The following MUC17 variants were observed in gnomAD, a reference collection of about 807,000 sequenced individuals.
MUC17 encodes mucin-17.
In MUC17, 190 loss-of-function variants were observed where a neutral mutation model predicts 170.3. The observed-to-expected ratio is 1.12, with a 90% CI of 0.99 to 1.26. The LOEUF (loss-of-function observed/expected upper bound fraction) is 1.26. Ranked by LOEUF, MUC17 falls within the 50% of genes most tolerant of loss-of-function variation. The probability of loss-of-function intolerance (pLI) is 0.00; values close to 1 mark genes in which losing one functional copy is unlikely to be tolerated. For missense variants in MUC17, 6,415 were observed against 5,530.0 expected (o/e 1.16, Z -5.08); for synonymous variants, 2,325 against 2,002.5 (o/e 1.16, Z -4.30).
chr7:101,039,821 C>G lies in MUC17; in HGVS notation c.8405C>G (p.Thr2802Ser). The G allele has an allele frequency of 1.3e-6, 2 of 1,590,734 alleles. No homozygotes were observed. Among genetic ancestry groups the G allele is most frequent in the South Asian group, 2.2e-5 (2 of 90,064 alleles). ...ACTGCTGAAGTTACCAGCATGCCAA[C>G]CTCAACTCCTAGTGAAACAAGTACT... is the stretch of plus-strand genomic sequence containing the variant. ...PTTAEVTSMP[T>S]STPSETSTPL... The change falls in exon 3 of 13, where the codon ACC becomes AGC. Residue 2802 changes from threonine to serine, a missense_variant. Thr to Ser is a moderately conservative substitution (Grantham distance 58). Coordinates refer to ENST00000306151, the MANE Select transcript of MUC17 (RefSeq NM_001040105.2).
chr7:101,033,815 C>T lies in MUC17; in HGVS notation c.2399C>T (p.Thr800Ile), dbSNP rs1171517014. ...TTEGTSMPIS[T>I]PSEGSPLLTS... ...GAAGGTACCAGCATGCCAATCTCAA[C>T]TCCTAGTGAAGGAAGTCCTTTATTA... The change falls in exon 3 of 13, where the codon ACT (threonine) becomes ATT (isoleucine). Residue 800 changes from threonine (T) to isoleucine (I), a missense_variant. Coordinates refer to ENST00000306151, the MANE Select transcript of MUC17 (RefSeq NM_001040105.2). The T allele has an allele frequency of 1.9e-6, 3 of 1,614,002 alleles. No individual in the cohort carries two copies. Among genetic ancestry groups the T allele is most frequent in the Non-Finnish European group, 2.5e-6 (3 of 1,179,978 alleles).
At position 101,039,701 on chromosome 7, in the gene MUC17, C is replaced by T. The variant is rs1199459513; in HGVS notation, c.8285C>T (p.Pro2762Leu). The change falls in exon 3 of 13, where the codon CCA becomes CTA. Residue 2762 changes from proline to leucine, a missense_variant. Transcript: ENST00000306151. ...ACAAGTATACTTGTCAGCACCCTGC[C>T]AGTGGCCAGTTCTGAGGCTAGCACC... ...PLTSILVSTL[P>L]VASSEASTVS... 1.2e-6 allele frequency: 2 copies of T among 1,612,758 alleles called. No individual in the cohort carries two copies. Among genetic ancestry groups the T allele is most frequent in the Non-Finnish European group, 1.7e-6 (2 of 1,179,520 alleles).
chr7:101,027,709 T>C (rs572169772), intron 1 of MUC17, among the ~76,000 whole-genome samples: 5 of 152,296 alleles, frequency 3.3e-5, no homozygotes, highest in African/African-American at 1.2e-4. Context: ...TCCTTGCCTT[T>C]AGGGACTCCT....
At position 101,037,665 on chromosome 7, in the gene MUC17, A is replaced by G. The variant is rs750062091; in HGVS notation, c.6249A>G (p.Ser2083=). The G allele has an allele frequency of 1.2e-6, 2 of 1,613,232 alleles. No individual in the cohort carries two copies. Among genetic ancestry groups the G allele is most frequent in the Admixed American group, 1.7e-5 (1 of 59,920 alleles). ...TGACCAATTCTACTGAAGCCAGTTC[A>G]TCTGCAACCGCTGAAGGTAGCAGCA... ...TQVTNSTEAS[S]SATAEGSSMT... is the part of the protein sequence containing the mutation. The change falls in exon 3 of 13, where the codon TCA becomes TCG. Residue 2083 remains serine (S), a synonymous_variant. Transcript: ENST00000306151.
intron 3 of MUC17, among the ~76,000 whole-genome samples, chr7:101,046,619 A>G (rs547728050): frequency 6.6e-6 from 1 of 152,160 alleles, no homozygotes; most frequent in Admixed American, 6.5e-5. Context: ...CTACAGAAAA[A>G]TTTTAAAAAT....
At position 101,039,903 on chromosome 7, in the gene MUC17, C is replaced by T. The variant is rs772953017; in HGVS notation, c.8487C>T (p.Thr2829=). Residue 2829 remains threonine, a synonymous_variant, in exon 3 of 13, where the codon ACC becomes ACT. Transcript: ENST00000306151. ...HTPVASSEAG[T]LSTTPVDTST... ...CAGTGGCCAGTTCTGAGGCTGGCAC[C>T]CTTTCAACAACTCCTGTTGACACCA... 12 of 1,612,980 alleles carry T rather than the reference C, an allele frequency of 7.4e-6. No homozygotes were observed. The highest frequency in any genetic ancestry group is 9.3e-6 in the Non-Finnish European group (11 of 1,179,494).
rs200390036 is a variant in MUC17, at chr7:101,042,615, A to T, written c.11199A>T (p.Ser3733=). Residue 3733 remains serine, a synonymous_variant, in exon 3 of 13, where the codon TCA becomes TCT. Coordinates refer to ENST00000306151, the MANE Select transcript of MUC17 (RefSeq NM_001040105.2). ...TGACCACTTCTACTGAAGCCATTTC[A>T]TCTTCTGCAACTCTTGACAGCACCA... is the stretch of plus-strand genomic sequence containing the variant. The part of the protein sequence containing the change: ...TPVTTSTEAI[S]SSATLDSTTM... 1.3e-5 allele frequency: 21 copies of T among 1,613,992 alleles called. No individual in the cohort carries two copies. Among genetic ancestry groups the T allele is most frequent in the Non-Finnish European group, 1.7e-6 (2 of 1,180,038 alleles).
chr7:101,053,589 AG>A (rs1488165739), intron 11 of MUC17, 153 bp downstream of exon 11: 2 of 572,276 alleles, frequency 3.5e-6, no homozygotes, highest in Non-Finnish European at 6.2e-6. Context: ...GCAACAACAC[AG>A]CAAAACTCTA....
At chr7:101,020,741 C>A (rs1271910698) in intron 1 of MUC17, among the ~76,000 whole-genome samples, 1 of 152,156 alleles carries the variant, frequency 6.6e-6, no homozygotes, top group Non-Finnish European at 1.5e-5. Context: ...TGCCATGAAC[C>A]AGCTGTGCAC....
At chr7:101,023,338 C>T (rs1794127506) in intron 1 of MUC17, among the ~76,000 whole-genome samples, 1 of 152,126 alleles carries the variant, frequency 6.6e-6, no homozygotes, top group Admixed American at 6.6e-5. Context: ...GGAGACCCTG[C>T]CGGGGTGGGG....
Position 101,035,102 on chromosome 7 carries a change from C to G in MUC17, c.3686C>G (p.Thr1229Arg), listed in dbSNP as rs771303338. Residue 1229 changes from threonine (T) to arginine (R), a missense_variant, in exon 3 of 13, where the codon ACG becomes AGG. Coordinates refer to ENST00000306151, the MANE Select transcript of MUC17 (RefSeq NM_001040105.2). ...TTAACAAGTATGCCTGTCAGACACACGCCAGTGGCCAGTTCTGAGGCTAGC... is the reference window on the plus strand; with the variant it reads ...TTAACAAGTATGCCTGTCAGACACAGGCCAGTGGCCAGTTCTGAGGCTAGC... ...TPLTSMPVRH[T>R]PVASSEASTL... 1.2e-6 allele frequency: 2 copies of G among 1,611,870 alleles called. No homozygotes were observed. Among genetic ancestry groups the G allele is most frequent in the Admixed American group, 1.7e-5 (1 of 59,816 alleles).
In MUC17 at chr7:101,056,281, C is replaced by T. The variant is rs1795041479; in HGVS notation, c.13440+11C>T. The T allele has an allele frequency of 6.2e-7, 1 of 1,613,460 alleles. No individual in the cohort carries two copies. The highest frequency in any genetic ancestry group is 8.5e-7 in the Non-Finnish European group (1 of 1,179,652). On this transcript the variant is annotated intron_variant, in intron 12 of 12. Transcript: ENST00000306151. ...GACCCTGAAACAAAGGTAAGAAGGGCCTGGATGGGATGCTGGCCTCCCCCA... is the reference window on the plus strand; with the variant it reads ...GACCCTGAAACAAAGGTAAGAAGGGTCTGGATGGGATGCTGGCCTCCCCCA...
chr7:101,033,372 T>A lies in MUC17; in HGVS notation c.1956T>A (p.Thr652=). The A allele has an allele frequency of 6.2e-7, 1 of 1,613,758 alleles. No homozygotes were observed. The highest frequency in any genetic ancestry group is 1.1e-5 in the South Asian group (1 of 91,038). The stretch of plus-strand genomic sequence containing the variant: ...CTGAGGCTAGCACCCTTTCAACAAC[T>A]CCTGTTGACTCCAACACTCCTGTGA... ...ASSEASTLST[T]PVDSNTPVTT... Residue 652 remains threonine (T), a synonymous_variant, in exon 3 of 13, where the codon ACT becomes ACA. Transcript: ENST00000306151.
intron 11 of MUC17, among the ~76,000 whole-genome samples, chr7:101,054,057 CAAAAAAAAAAAAAAAAAAA>C (rs58623975): frequency 3.5e-4 from 14 of 40,382 alleles, no homozygotes; most frequent in African/African-American, 6.0e-4. Context: ...AAGACCCTGT[CAAAAAAAAAAAAAAAAAAA>C]AAAAAAAAAA....
At chr7:101,025,503 AAAT>A (rs1186656639) in intron 1 of MUC17, among the ~76,000 whole-genome samples, 2 of 152,036 alleles carry the variant, frequency 1.3e-5, no homozygotes, top group African/African-American at 4.8e-5. Flanking sequence ...TCTCTACAAA[AAAT>A]ATAGGCCAAG....
rs777936596 is a variant in MUC17 at position 101,034,310 on chromosome 7, C to T, written c.2894C>T (p.Pro965Leu). Residue 965 changes from proline (P) to leucine (L), a missense_variant, in exon 3 of 13, where the codon CCT becomes CTT. By Grantham distance (98) the Pro-to-Leu change is moderately conservative. Coordinates refer to ENST00000306151, the MANE Select transcript of MUC17 (RefSeq NM_001040105.2). ...ACTTCTACTGAAGCCACTTCATCTC[C>T]TACAACTGCTGAAGGTACCAGCATA... The part of the protein sequence containing the change: ...VTTSTEATSS[P>L]TTAEGTSIPT... 1.9e-6 allele frequency: 3 copies of T among 1,610,200 alleles called. No individual in the cohort carries two copies. The African/African-American group carries it at 4.0e-5, about 22-fold the overall frequency.
At chr7:101,023,161 T>G (rs145592562) in intron 1 of MUC17, among the ~76,000 whole-genome samples, 219 of 152,150 alleles carry the variant, frequency 1.4e-3, no homozygotes, top group African/African-American at 4.9e-3. Flanking sequence ...GCCTCCATCT[T>G]TACTTCATCT....
rs778172982 is a variant in MUC17 at position 101,033,249 on chromosome 7, T to C, written c.1833T>C (p.Ser611=). The C allele has an allele frequency of 1.9e-6, 3 of 1,614,004 alleles. No homozygotes were observed. The highest frequency in any genetic ancestry group is 2.7e-5 in the African/African-American group (2 of 74,892). ...CTTCTAGTGAAGCTAGTTCATCTTC[T>C]ACAACTGCTGAAGGTACCAGCATGC... ...VTTSSEASSS[S]TTAEGTSMPT... Residue 611 remains serine (S), a synonymous_variant, in exon 3 of 13, where the codon TCT becomes TCC. Coordinates refer to ENST00000306151, the MANE Select transcript of MUC17 (RefSeq NM_001040105.2).
chr7:101,035,116 T>C lies in MUC17; in HGVS notation c.3700T>C (p.Ser1234Pro), dbSNP rs1387698786. The C allele has an allele frequency of 1.2e-6, 2 of 1,611,954 alleles. No homozygotes were observed. Among genetic ancestry groups the C allele is most frequent in the South Asian group, 1.1e-5 (1 of 90,760 alleles). The change falls in exon 3 of 13, where the codon TCT (serine) becomes CCT (proline). Residue 1234 changes from serine to proline, a missense_variant. Coordinates refer to ENST00000306151, the MANE Select transcript of MUC17 (RefSeq NM_001040105.2). ...MPVRHTPVAS[S>P]EASTLSTSPV... is the part of the protein sequence containing the mutation. ...TGTCAGACACACGCCAGTGGCCAGT[T>C]CTGAGGCTAGCACCCTTTCAACATC...
Sources: gnomAD v4.1 joint callset for allele counts (sites outside exome capture counted in the v4.1 genomes callset) on GRCh38, gnomAD v4.1.1 for gene constraint, MANE v1.5 for transcripts, NCBI Gene and HGNC (gene_info 2026-07-23, HGNC 2026-07-21) for gene names.